Variants in SPRY3 observed in about 807,000 individuals in gnomAD.
The protein encoded by SPRY3 is sprouty RTK signaling antagonist 3, also known as protein sprouty homolog 3.
In SPRY3, 15 loss-of-function variants were observed where a neutral mutation model predicts 20.2. That is an observed-to-expected ratio of 0.74 (90% CI 0.50 to 1.14). The LOEUF is 1.14. SPRY3 is among the 50% of genes most tolerant of loss of function. SPRY3 has a pLI of 0.00. For missense variants in SPRY3, 364 were observed against 363.9 expected (o/e 1.00, Z 0.00); for synonymous variants, 143 against 136.5 (o/e 1.05, Z -0.33).
chrX:155,614,019 A>G (rs2067841642), intron 1 of SPRY3, among the ~76,000 whole-genome samples: 1 of 112,093 alleles, frequency 8.9e-6, no homozygotes, highest in African/African-American at 3.2e-5. Context: ...AAATTTCTAG[A>G]ACCAGTGTGT....
At chrX:155,767,385 C>G (rs1251706172) in intron 2 of SPRY3, among the ~76,000 whole-genome samples, 3 of 152,060 alleles carry the variant, frequency 2.0e-5, no homozygotes, top group African/African-American at 7.3e-5. Flanking sequence ...CCTGCCCCCA[C>G]TGCAGATTAT....
At chrX:155,767,706 A>AGGAGTAGGAGAAAGAGGCG (rs2091344537) in intron 2 of SPRY3, 1 of 44,558 alleles carries the variant, frequency 2.2e-5, no homozygotes, top group Non-Finnish European at 5.8e-5. Flanking sequence ...AGGAGAAAGA[A>AGGAGTAGGAGAAAGAGGCG]GAGGAGGAGG....
intron 2 of SPRY3, among the ~76,000 whole-genome samples, chrX:155,716,109 A>AG (rs1214787478): frequency 6.6e-6 from 1 of 152,154 alleles, no homozygotes; most frequent in African/African-American, 2.4e-5. Context: ...GTGTTCCAGC[A>AG]GGGGGGATGA....
intron 2 of SPRY3, among the ~76,000 whole-genome samples, chrX:155,667,932 A>T (rs1165362445): frequency 1.8e-5 from 2 of 111,331 alleles, no homozygotes; most frequent in Non-Finnish European, 3.8e-5. Context: ...CATCCACAAT[A>T]ATGACTGAAA....
chrX:155,725,418 G>A (rs1458785123), intron 2 of SPRY3, among the ~76,000 whole-genome samples: 3 of 152,142 alleles, frequency 2.0e-5, no homozygotes, highest in Admixed American at 6.5e-5. Flanking sequence ...TGTACCTCTG[G>A]TAGAATTCGG....
chrX:155,729,108 A>G (rs969270678), intron 2 of SPRY3, among the ~76,000 whole-genome samples: 4 of 152,180 alleles, frequency 2.6e-5, no homozygotes, highest in Admixed American at 2.6e-4. Flanking sequence ...CCCAAATACA[A>G]TAATAGCTGG....
chrX:155,716,097 T>C (rs1236247210), intron 2 of SPRY3, among the ~76,000 whole-genome samples: 2 of 152,196 alleles, frequency 1.3e-5, no homozygotes, highest in Non-Finnish European at 2.9e-5. Context: ...TGTTAAAATT[T>C]GGTGTTCCAG....
intron 1 of SPRY3, among the ~76,000 whole-genome samples, chrX:155,619,215 A>G (rs2067863544): frequency 9.0e-6 from 1 of 111,476 alleles, no homozygotes; most frequent in Non-Finnish European, 1.9e-5. Context: ...GTAAAGTATG[A>G]AATTTAGGTT....
chrX:155,772,284 T>A (rs2091385660), intron 3 of SPRY3, among the ~76,000 whole-genome samples: 1 of 152,170 alleles, frequency 6.6e-6, no homozygotes, highest in Admixed American at 6.5e-5. Flanking sequence ...GTCAACTGAG[T>A]CTGGTCATAT....
Position 155,689,948 on chromosome X carries a change from G to A in SPRY3, c.-282+32923G>A, listed in dbSNP as rs2068098603. On this transcript the variant is annotated intron_variant, in intron 2 of 3. Transcript: ENST00000675360. ...GAGATCTTTATAACTTTTTGATGTG[G>A]GCATTTAGTGCTATAAATTTTCCTT... is the stretch of plus-strand genomic sequence containing the variant. Among the ~76,000 whole-genome samples, 2 of 87,082 alleles carry A rather than the reference G, an allele frequency of 2.3e-5. 1 individual carries two copies. The highest frequency in any genetic ancestry group is 2.5e-4 in the Admixed American group (2 of 8,142). The allele number at this position is 87,082 out of a possible 115,157, so 75.6% of individuals were successfully genotyped here.
chrX:155,774,889 A>C, exon 4 of SPRY3: 5 of 832,652 alleles, frequency 6.0e-6, no homozygotes, highest in Non-Finnish European at 7.6e-6. Flanking sequence ...GACCAAGTAC[A>C]TCCTGGTGCA....
At chrX:155,774,220 C>A (rs766514808) in exon 4 of SPRY3, 20 of 1,613,906 alleles carry the variant, frequency 1.2e-5, no homozygotes, top group Non-Finnish European at 1.6e-5. Flanking sequence ...CCGAACCCAA[C>A]CTGGAGCAGG....
intron 2 of SPRY3, among the ~76,000 whole-genome samples, chrX:155,678,175 T>C (rs1462016721): frequency 9.0e-6 from 1 of 111,478 alleles, no homozygotes; most frequent in Non-Finnish European, 1.9e-5. Context: ...AATGGAGTAG[T>C]ATTTCTAGAC....
chrX:155,612,849 G>T (rs1300162379), intron 1 of SPRY3: 1 of 112,132 alleles, frequency 8.9e-6, no homozygotes, highest in Non-Finnish European at 1.9e-5. Context: ...CAAGCAAGGA[G>T]AGTCTCGGGA....
chrX:155,710,515 C>A (rs896899387), intron 2 of SPRY3, among the ~76,000 whole-genome samples: 3 of 151,328 alleles, frequency 2.0e-5, no homozygotes, highest in African/African-American at 7.3e-5. Context: ...GATTTTGTAT[C>A]CTGCAATGTT....
chrX:155,772,866 A>T (rs2091389624), intron 3 of SPRY3, among the ~76,000 whole-genome samples: 1 of 152,152 alleles, frequency 6.6e-6, no homozygotes, highest in Admixed American at 6.5e-5. Flanking sequence ...AAGAAGTCCA[A>T]GCAGATTCTG....
At chrX:155,734,617 T>C (rs1463017299) in intron 2 of SPRY3, among the ~76,000 whole-genome samples, 2 of 149,702 alleles carry the variant, frequency 1.3e-5, no homozygotes, top group Admixed American at 1.3e-4. Flanking sequence ...CGGTATAGAG[T>C]GTCCACAAAT....
chrX:155,764,336 A>G (rs1181259939), intron 2 of SPRY3, among the ~76,000 whole-genome samples: 1 of 152,244 alleles, frequency 6.6e-6, no homozygotes, highest in East Asian at 1.9e-4. Flanking sequence ...GCACTGCTAC[A>G]ACAATCTAAC....
intron 3 of SPRY3, among the ~76,000 whole-genome samples, chrX:155,768,348 G>A (rs1385509217): frequency 7.9e-5 from 12 of 152,112 alleles, no homozygotes; most frequent in Non-Finnish European, 1.6e-4. Context: ...ATCCACATTG[G>A]AAATGTGTAA....
Sources: gnomAD v4.1 joint callset for allele counts (sites outside exome capture counted in the v4.1 genomes callset) on GRCh38, gnomAD v4.1.1 for gene constraint, MANE v1.5 for transcripts, NCBI Gene and HGNC (gene_info 2026-07-23, HGNC 2026-07-21) for gene names.